RNF144A: variants seen among roughly 807,000 people sequenced by gnomAD.
RNF144A encodes ring finger protein 144A.
A neutral mutation model predicts 38.7 loss-of-function variants in RNF144A; 11 were observed. The observed-to-expected ratio is 0.28, with a 90% confidence interval of 0.18 to 0.47. RNF144A has a LOEUF of 0.47. RNF144A is among the 20% of genes least tolerant of loss of function. The pLI is 0.99. For synonymous variants in RNF144A, 149 were observed against 143.9 expected, an observed-to-expected ratio of 1.04 and a Z score of -0.25; for missense variants, 316 against 377.2, an observed-to-expected ratio of 0.84 and a Z score of 1.34.
chr2:6,951,882 A>G (rs1450290844), intron 2 of RNF144A, among the ~76,000 whole-genome samples: 1 of 152,090 alleles, frequency 6.6e-6, no homozygotes, highest in Non-Finnish European at 1.5e-5. Flanking sequence ...TTCATTTTCA[A>G]TTCTTATAGT....
Position 7,039,658 on chromosome 2 carries a change from G to C in RNF144A, c.777G>C (p.Leu259=). The C allele has an allele frequency of 6.2e-7, 1 of 1,614,070 alleles. No homozygotes were observed. Among genetic ancestry groups the C allele is most frequent in the Non-Finnish European group, 8.5e-7 (1 of 1,179,976 alleles). ...QVVGIFAGFG[L]LLLVASPFLL... is the part of the protein sequence containing the mutation. ...TGGGCATTTTTGCAGGATTTGGGCT[G>C]CTGCTCTTGGTGGCCTCACCTTTCC... Residue 259 remains leucine, a synonymous_variant, in exon 9 of 9, where the codon CTG becomes CTC. Transcript: ENST00000320892.
intron 2 of RNF144A, 117 bp from the exon 3 acceptor site, chr2:6,996,799 A>T: frequency 1.0e-6 from 1 of 1,004,830 alleles, no homozygotes; most frequent in South Asian, 1.6e-5. Context: ...TCTAGGCTCC[A>T]TCAGCAGTCA....
intron 6 of RNF144A, among the ~76,000 whole-genome samples, chr2:7,023,361 T>C (rs964815626): frequency 3.3e-5 from 5 of 152,206 alleles, no homozygotes; most frequent in Admixed American, 2.6e-4. Context: ...TCAGCCAGAA[T>C]GCACTCAAAA....
chr2:6,965,649 A>G (rs1193356157), intron 2 of RNF144A, among the ~76,000 whole-genome samples: 3 of 152,134 alleles, frequency 2.0e-5, no homozygotes, highest in African/African-American at 4.8e-5. Context: ...ACGGGACAGG[A>G]TTGCATCTTC....
intron 2 of RNF144A, among the ~76,000 whole-genome samples, chr2:6,995,531 G>A (rs1669673425): frequency 6.6e-6 from 1 of 152,202 alleles, no homozygotes; most frequent in South Asian, 2.1e-4. Flanking sequence ...AAATCTCAGA[G>A]GTAGGGAACT....
At chr2:6,922,436 T>C (rs1188451877) in intron 1 of RNF144A, among the ~76,000 whole-genome samples, 3 of 152,122 alleles carry the variant, frequency 2.0e-5, no homozygotes, top group Admixed American at 6.5e-5. Context: ...TCTTACAACA[T>C]TGTGTTCCTG....
At chr2:7,053,208 G>A (rs1673596624) in intron 6 of RNF144A, among the ~76,000 whole-genome samples, 1 of 152,326 alleles carries the variant, frequency 6.6e-6, no homozygotes, top group South Asian at 2.1e-4. Context: ...AGAAGCATGA[G>A]CATTGCCTGA....
downstream of RNF144A, among the ~76,000 whole-genome samples, chr2:7,068,678 G>A (rs1572505827): frequency 6.6e-6 from 1 of 152,220 alleles, no homozygotes; most frequent in Admixed American, 6.5e-5. Flanking sequence ...AAGCAGCTGG[G>A]TATGAGTGAG....
intron 1 of RNF144A, among the ~76,000 whole-genome samples, chr2:6,924,488 A>T (rs150482717): frequency 1.3e-3 from 193 of 152,278 alleles, no homozygotes; most frequent in Middle Eastern, 6.8e-3. Flanking sequence ...TGGGCTTTGG[A>T]GAGCTGGGGA....
chr2:6,934,738 T>C (rs1665456772), intron 1 of RNF144A, among the ~76,000 whole-genome samples: 1 of 152,202 alleles, frequency 6.6e-6, no homozygotes, highest in African/African-American at 2.4e-5. Flanking sequence ...TACTTAGAAG[T>C]ATTTAAAGAT....
intron 1 of RNF144A, among the ~76,000 whole-genome samples, chr2:6,922,806 A>G (rs996293931): frequency 6.6e-6 from 1 of 152,008 alleles, no homozygotes; most frequent in Non-Finnish European, 1.5e-5. Context: ...TTGTATTTTT[A>G]GTAGAGACGG....
chr2:6,970,893 G>A (rs1348813318), intron 2 of RNF144A, among the ~76,000 whole-genome samples: 1 of 152,170 alleles, frequency 6.6e-6, no homozygotes, highest in African/African-American at 2.4e-5. Flanking sequence ...CAAATTTGTT[G>A]CCTCCAAGGC....
In RNF144A at chr2:6,998,142, G is replaced by T. The variant is rs914488771; in HGVS notation, c.135+1081G>T. ...AACACAATATTTATCATTTTAAAAAGTACAGAAAAGAAAAATGAAAAACTG... is the reference window on the plus strand; with the variant it reads ...AACACAATATTTATCATTTTAAAAATTACAGAAAAGAAAAATGAAAAACTG... On this transcript the variant is annotated intron_variant, in intron 3 of 8. Transcript: ENST00000320892. Among the ~76,000 whole-genome samples, 4 of 151,400 alleles carry T rather than the reference G, an allele frequency of 2.6e-5. No individual in the cohort carries two copies. The East Asian group carries it at 7.9e-4, about 30-fold the overall frequency.
chr2:6,985,882 G>A (rs1005721726), intron 2 of RNF144A, among the ~76,000 whole-genome samples: 8 of 152,160 alleles, frequency 5.3e-5, no homozygotes, highest in Non-Finnish European at 1.0e-4. Flanking sequence ...CACCGTGTTA[G>A]CCAGGATGGT....
chr2:6,937,427 C>CTCTT (rs1234067151), intron 1 of RNF144A, among the ~76,000 whole-genome samples: 5 of 152,184 alleles, frequency 3.3e-5, no homozygotes, highest in Non-Finnish European at 7.3e-5. Context: ...TGGCCAGGCT[C>CTCTT]TCTTTATAAA....
intron 2 of RNF144A, among the ~76,000 whole-genome samples, chr2:6,972,479 G>A (rs1459033244): frequency 6.6e-6 from 1 of 152,160 alleles, no homozygotes; most frequent in Non-Finnish European, 1.5e-5. Flanking sequence ...AACGGAAATA[G>A]CCCCGGGGGG....
At chr2:6,960,223 A>G in intron 2 of RNF144A, among the ~76,000 whole-genome samples, 1 of 152,244 alleles carries the variant, frequency 6.6e-6, no homozygotes, top group East Asian at 1.9e-4. Flanking sequence ...CTCGGAGTAG[A>G]CTAGGGACGA....
downstream of RNF144A, among the ~76,000 whole-genome samples, chr2:7,069,062 C>T (rs1674351996): frequency 6.6e-6 from 1 of 152,214 alleles, no homozygotes; most frequent in Admixed American, 6.5e-5. Flanking sequence ...TCAATAGTAG[C>T]CCAGCAAGGA....
chr2:6,919,631 A>G (rs1295591556), intron 1 of RNF144A, among the ~76,000 whole-genome samples: 1 of 152,102 alleles, frequency 6.6e-6, no homozygotes, highest in Admixed American at 6.5e-5. Flanking sequence ...GTGGCTTCCG[A>G]GTCAGACCCC....
Sources: allele counts gnomAD v4.1 joint callset (sites outside exome capture counted in the v4.1 genomes callset), GRCh38; gene constraint gnomAD v4.1.1; transcripts MANE v1.5; gene names NCBI Gene and HGNC (gene_info 2026-07-23, HGNC 2026-07-21).